The following PAX3 variants were observed in gnomAD, a reference collection of about 807,000 sequenced individuals.
PAX3 encodes the protein paired box protein Pax-3.
A neutral mutation model predicts 51.6 loss-of-function variants in PAX3; 14 were observed. The observed-to-expected ratio is 0.27, with a 90% CI of 0.18 to 0.42. The LOEUF (loss-of-function observed/expected upper bound fraction) is 0.42, where lower values mean the gene tolerates loss of function less well. Among genes scored for constraint, PAX3 ranks in the 10% least tolerant of loss-of-function variants. The pLI is 1.00. For synonymous variants in PAX3, 280 were observed against 253.4 expected, an observed-to-expected ratio of 1.11 and a Z score of -1.00; for missense variants, 540 against 642.8, an observed-to-expected ratio of 0.84 and a Z score of 1.73.
intron 7 of PAX3, among the ~76,000 whole-genome samples, chr2:222,216,476 C>T (rs540028371): frequency 6.6e-4 from 100 of 152,254 alleles, no homozygotes; most frequent in African/African-American, 2.3e-3. Context: ...TTTAGGCTGT[C>T]ACAAATACAG....
At chr2:222,246,530 C>G (rs539616152) in intron 4 of PAX3, among the ~76,000 whole-genome samples, 1 of 151,870 alleles carries the variant, frequency 6.6e-6, no homozygotes, top group Non-Finnish European at 1.5e-5. Context: ...GTCCCAGAAC[C>G]AAAAAGAATT....
At chr2:222,256,563 C>T (rs1002316340) in intron 4 of PAX3, among the ~76,000 whole-genome samples, 1 of 152,094 alleles carries the variant, frequency 6.6e-6, no homozygotes. Flanking sequence ...GGAAACTGCT[C>T]TTTGATTTCT....
intron 4 of PAX3, among the ~76,000 whole-genome samples, chr2:222,279,630 TAAGAATTTTCC>T (rs1694565221): frequency 1.3e-5 from 2 of 152,184 alleles, no homozygotes; most frequent in Non-Finnish European, 2.9e-5. Flanking sequence ...AGTTTTTCCA[TAAGAATTTTCC>T]AAGCACCAGA....
intron 7 of PAX3, among the ~76,000 whole-genome samples, chr2:222,209,514 C>T (rs895253748): frequency 3.3e-5 from 5 of 151,698 alleles, no homozygotes; most frequent in African/African-American, 9.7e-5. Context: ...AAAACACTTG[C>T]TGGTCTGTTT....
intron 4 of PAX3, among the ~76,000 whole-genome samples, chr2:222,258,758 T>G (rs749666464): frequency 5.3e-5 from 8 of 152,220 alleles, no homozygotes; most frequent in Non-Finnish European, 1.0e-4. Context: ...ATATATGGCA[T>G]ACATGGAGGA....
chr2:222,229,598 A>G (rs1374372562), intron 5 of PAX3, among the ~76,000 whole-genome samples: 1 of 151,434 alleles, frequency 6.6e-6, no homozygotes, highest in Admixed American at 6.6e-5. Context: ...CATAGCCCCC[A>G]CTCCCTGTCA....
intron 3 of PAX3, 118 bp downstream of exon 3, chr2:222,295,410 G>T: frequency 8.0e-7 from 1 of 1,244,326 alleles, no homozygotes; most frequent in Non-Finnish European, 1.2e-6. Context: ...CAGGGCCTCG[G>T]GAGAGGCCAC....
At chr2:222,297,668 T>G (rs2106205437) in intron 1 of PAX3, among the ~76,000 whole-genome samples, 1 of 152,128 alleles carries the variant, frequency 6.6e-6, no homozygotes, top group South Asian at 2.1e-4. Flanking sequence ...GCCCTTGGGG[T>G]TTCTAGCCAA....
intron 4 of PAX3, among the ~76,000 whole-genome samples, chr2:222,267,628 T>C (rs1694099148): frequency 6.6e-6 from 1 of 152,176 alleles, no homozygotes; most frequent in South Asian, 2.1e-4. Context: ...CATTTTGTGG[T>C]ATTTTTTCCC....
rs568284303 is a variant in PAX3 at position 222,284,078 on chromosome 2, T to G, written c.586+10089A>C. ...ATCCTTCAGCTTGAAGAATGCTACTTTGGAAGGTGTCCTTAAAACTTCTTA... is the reference window on the plus strand; with the variant it reads ...ATCCTTCAGCTTGAAGAATGCTACTGTGGAAGGTGTCCTTAAAACTTCTTA... On this transcript the variant is annotated intron_variant, in intron 4 of 8. Coordinates refer to ENST00000392070, the MANE Select transcript of PAX3 (RefSeq NM_181458.4). 3.3e-4 allele frequency among the ~76,000 whole-genome samples: 51 copies of G among 152,252 alleles called. No homozygotes were observed. In the South Asian group the frequency reaches 0.011, roughly 32 times the overall value.
intron 4 of PAX3, among the ~76,000 whole-genome samples, chr2:222,290,997 G>C (rs1359651778): frequency 6.6e-6 from 1 of 152,102 alleles, no homozygotes; most frequent in African/African-American, 2.4e-5. Flanking sequence ...ACATAAAGGA[G>C]GCAATTGAGT....
At chr2:222,241,076 C>T (rs1022217116) in intron 4 of PAX3, among the ~76,000 whole-genome samples, 1 of 152,142 alleles carries the variant, frequency 6.6e-6, no homozygotes, top group African/African-American at 2.4e-5. Flanking sequence ...AATTAAGAGC[C>T]AGGGCTGCTA....
chr2:222,208,235 C>A (rs1237630473), intron 7 of PAX3, among the ~76,000 whole-genome samples: 3 of 152,004 alleles, frequency 2.0e-5, no homozygotes, highest in Admixed American at 1.3e-4. Context: ...TGCTTTGTGA[C>A]CATGTCTACA....
rs747841876 is a variant in PAX3 at position 222,221,296 on chromosome 2, G to A, written c.884C>T (p.Pro295Leu). The A allele has an allele frequency of 3.1e-6, 5 of 1,614,070 alleles. No homozygotes were observed. The South Asian group carries it at 5.5e-5, about 18-fold the overall frequency. The change falls in exon 6 of 9, where the codon CCT becomes CTT. Residue 295 changes from proline to leucine, a missense_variant. Around this residue, in one of 3 missense-constraint regions of PAX3, gnomAD observed 427 missense variants for 483.6 expected, o/e 0.88. Transcript: ENST00000392070. Reference protein sequence around the residue: ...AFNHLIPGGFPPTAMPTLPTY... With the variant: ...AFNHLIPGGFLPTAMPTLPTY... ...TGGCAAGGTCGGCATGGCAGTGGGAGGGAACCCCCCGGGAATGAGATGGTT... is the reference window on the plus strand; with the variant it reads ...TGGCAAGGTCGGCATGGCAGTGGGAAGGAACCCCCCGGGAATGAGATGGTT...
intron 4 of PAX3, among the ~76,000 whole-genome samples, chr2:222,238,858 C>G (rs989632282): frequency 1.3e-5 from 2 of 152,200 alleles, no homozygotes; most frequent in African/African-American, 2.4e-5. Context: ...TCCAGAAGGT[C>G]TTTAACAGGT....
At chr2:222,210,605 G>T (rs566979205) in intron 7 of PAX3, among the ~76,000 whole-genome samples, 7 of 152,022 alleles carry the variant, frequency 4.6e-5, no homozygotes, top group Non-Finnish European at 1.0e-4. Flanking sequence ...ATTATAGTGG[G>T]TTCTCATGGT....
Position 222,232,113 on chromosome 2 carries a change from C to T in PAX3, c.757G>A (p.Ala253Thr). 1 of 1,614,002 alleles carries T rather than the reference C, an allele frequency of 6.2e-7. No homozygotes were observed. Among genetic ancestry groups the T allele is most frequent in the Non-Finnish European group, 8.5e-7 (1 of 1,179,956 alleles). Residue 253 changes from alanine to threonine, a missense_variant, in exon 5 of 9, where the codon GCC becomes ACC. Physicochemically the swap from Ala to Thr is moderately conservative, Grantham distance 58. This residue lies in a region of PAX3 where 427 missense variants were observed against 483.6 expected (regional missense o/e 0.88). Transcript: ENST00000392070. ...GCCTCGGTGAGCTTCGCCCTCTGGG[C>T]CAGTTCCTCCCTAGTATAAATGTCA... is the stretch of plus-strand genomic sequence containing the variant. ...YPDIYTREELAQRAKLTEARV... is the reference protein window; with the variant it reads ...YPDIYTREELTQRAKLTEARV...
At chr2:222,243,613 A>C (rs1320838907) in intron 4 of PAX3, among the ~76,000 whole-genome samples, 3 of 152,250 alleles carry the variant, frequency 2.0e-5, no homozygotes, top group African/African-American at 7.2e-5. Context: ...TTATTTACTA[A>C]GAAACAGAGG....
At chr2:222,293,337 C>CCTTT (rs1158489445) in intron 4 of PAX3, among the ~76,000 whole-genome samples, 2 of 152,162 alleles carry the variant, frequency 1.3e-5, no homozygotes, top group Admixed American at 6.5e-5. Context: ...CATTTCTTTT[C>CCTTT]CTTTCTTTCT....
Sources: gnomAD v4.1 joint callset for allele counts (sites outside exome capture counted in the v4.1 genomes callset) on GRCh38, gnomAD v4.1.1 for gene constraint, gnomAD v4.1.1 regional missense constraint, MANE v1.5 for transcripts, NCBI Gene and HGNC (gene_info 2026-07-23, HGNC 2026-07-21) for gene names.